LMBR1: variants seen among roughly 807,000 people sequenced by gnomAD.
LMBR1 encodes the protein limb development membrane protein 1, also known as limb region 1 protein homolog.
LMBR1 carries 52 observed loss-of-function variants against 73.9 expected under a neutral mutation model. That is an observed-to-expected ratio of 0.70 (90% CI 0.56 to 0.89). The LOEUF is 0.89. Among genes scored for constraint, LMBR1 ranks in the 40% least tolerant of loss-of-function variants. The probability of loss-of-function intolerance (pLI) is 0.00; values close to 1 mark genes in which losing one functional copy is unlikely to be tolerated. For missense variants in LMBR1, 539 were observed against 579.8 expected, an observed-to-expected ratio of 0.93 and a Z score of 0.72; for synonymous variants, 215 against 209.4, an observed-to-expected ratio of 1.03 and a Z score of -0.23.
At chr7:156,781,229 T>G (rs1331201857) in intron 5 of LMBR1, among the ~76,000 whole-genome samples, 2 of 152,166 alleles carry the variant, frequency 1.3e-5, no homozygotes, top group African/African-American at 2.4e-5. Context: ...CACGTGACAA[T>G]TTAGGTAATA....
intron 15 of LMBR1, among the ~76,000 whole-genome samples, chr7:156,722,243 G>C (rs1413602779): frequency 6.6e-6 from 1 of 152,090 alleles, no homozygotes; most frequent in Non-Finnish European, 1.5e-5. Context: ...GAGGCGACAA[G>C]AAAGACTGAA....
chr7:156,867,439 T>C (rs1427671581), intron 1 of LMBR1, among the ~76,000 whole-genome samples: 1 of 152,168 alleles, frequency 6.6e-6, no homozygotes, highest in Non-Finnish European at 1.5e-5. Context: ...AATGAAAACA[T>C]GTCCACCCAA....
intron 15 of LMBR1, among the ~76,000 whole-genome samples, chr7:156,723,020 G>A (rs181966388): frequency 1.3e-4 from 20 of 152,066 alleles, no homozygotes; most frequent in Admixed American, 1.2e-3. Flanking sequence ...GCATACTTTT[G>A]GCATTTTCAA....
chr7:156,867,570 A>G (rs1798642939), intron 1 of LMBR1, among the ~76,000 whole-genome samples: 1 of 152,264 alleles, frequency 6.6e-6, no homozygotes, highest in African/African-American at 2.4e-5. Flanking sequence ...ATATTATTGG[A>G]CCATAAAAAG....
At chr7:156,822,013 C>T (rs1834872683) in intron 4 of LMBR1, among the ~76,000 whole-genome samples, 1 of 152,214 alleles carries the variant, frequency 6.6e-6, no homozygotes, top group South Asian at 2.1e-4. Flanking sequence ...CTAACACAGA[C>T]AAAACAATTA....
rs763702381 is a variant in LMBR1, at chr7:156,764,622, A to C, written c.424-827T>G. Among the ~76,000 whole-genome samples, 10 of 152,366 alleles carry C rather than the reference A, an allele frequency of 6.6e-5. No individual in the cohort carries two copies. The East Asian group carries it at 1.9e-3, about 29-fold the overall frequency. ...TAACCTACAATTATCTAACACAACC[A>C]ACAAAATTATAAATACATCCATATT... On this transcript the variant is annotated intron_variant, in intron 5 of 16. Transcript: ENST00000353442.
rs1803472350 is a variant in LMBR1 at position 156,893,081 on chromosome 7, C to G, written c.-88G>C. On this transcript the variant is annotated 5_prime_UTR_variant, in exon 1 of 17. Coordinates refer to ENST00000353442, the MANE Select transcript of LMBR1 (RefSeq NM_022458.4). ...CGCCGCAGGGGCTCGGACAGCCGCG[C>G]CGGGGACCGGAGCCGGCACGGGCCC... 1 of 1,281,402 alleles carries G rather than the reference C, an allele frequency of 7.8e-7. No homozygotes were observed. The highest frequency in any genetic ancestry group is 1.6e-5 in the African/African-American group (1 of 63,792). 79.4% of individuals were successfully genotyped at this position (1,281,402 alleles called of 1,614,324 possible). A position where few individuals can be genotyped will look rare whatever the true frequency, so the allele number is the denominator to read the frequency against.
rs954902307 is a variant in LMBR1 at position 156,680,869 on chromosome 7, C to T, written c.*3209G>A. On this transcript the variant is annotated 3_prime_UTR_variant, in exon 17 of 17. Coordinates refer to ENST00000353442, the MANE Select transcript of LMBR1 (RefSeq NM_022458.4). ...AACCCCACATATAAATGCTTATAAA[C>T]CAAATATGAAATCACTTTTTGTACA... The T allele has an allele frequency of 1.7e-5, 4 of 234,572 alleles. No homozygotes were observed. Among genetic ancestry groups the T allele is most frequent in the Non-Finnish European group, 2.5e-5 (3 of 120,946 alleles). 14.5% of individuals were successfully genotyped at this position (234,572 alleles called of 1,614,324 possible).
chr7:156,884,235 G>A (rs1801536260), intron 1 of LMBR1, among the ~76,000 whole-genome samples: 1 of 152,128 alleles, frequency 6.6e-6, no homozygotes, highest in Non-Finnish European at 1.5e-5. Context: ...TGGTGTTGCT[G>A]TAAACTGGCT....
chr7:156,836,898 G>T lies in LMBR1; in HGVS notation c.67-13C>A. 6.6e-7 allele frequency: 1 copy of T among 1,508,632 alleles called. No individual in the cohort carries two copies. The highest frequency in any genetic ancestry group is 1.2e-5 in the South Asian group (1 of 81,364). 93.5% of individuals were successfully genotyped at this position (1,508,632 alleles called of 1,614,324 possible). On this transcript the variant is annotated splice_polypyrimidine_tract_variant and intron_variant, in intron 1 of 16. Coordinates refer to ENST00000353442, the MANE Select transcript of LMBR1 (RefSeq NM_022458.4). ...GAAGGAAACATATCTGAAACAAAAC[G>T]AAGTTAACAGATCATTTACTTTTTT...
intron 15 of LMBR1, among the ~76,000 whole-genome samples, chr7:156,688,602 C>G (rs1460028545): frequency 1.3e-5 from 2 of 151,982 alleles, no homozygotes; most frequent in East Asian, 3.9e-4. Flanking sequence ...TGAGAACATC[C>G]TTACACCTCC....
chr7:156,780,856 C>T (rs1339094464), intron 5 of LMBR1, among the ~76,000 whole-genome samples: 2 of 152,180 alleles, frequency 1.3e-5, no homozygotes, highest in East Asian at 1.9e-4. Flanking sequence ...TTCACCCCCA[C>T]CTCCCCAGTG....
intron 3 of LMBR1, among the ~76,000 whole-genome samples, chr7:156,831,507 G>A (rs913272089): frequency 6.6e-6 from 1 of 152,072 alleles, no homozygotes; most frequent in Non-Finnish European, 1.5e-5. Context: ...GAAGAAAGAT[G>A]AGGGAGACTA....
At chr7:156,793,308 T>C (rs1829546541) in intron 5 of LMBR1, among the ~76,000 whole-genome samples, 1 of 152,204 alleles carries the variant, frequency 6.6e-6, no homozygotes, top group Non-Finnish European at 1.5e-5. Context: ...GCTTAACACA[T>C]TTAGACTTAA....
intron 4 of LMBR1, among the ~76,000 whole-genome samples, chr7:156,810,797 G>A (rs1202490125): frequency 2.0e-5 from 3 of 151,648 alleles, no homozygotes; most frequent in African/African-American, 4.8e-5. Flanking sequence ...CTTTCACATA[G>A]TTTTTTGATT....
chr7:156,706,715 G>C (rs901918300), intron 15 of LMBR1, among the ~76,000 whole-genome samples: 1 of 151,758 alleles, frequency 6.6e-6, no homozygotes, highest in African/African-American at 2.4e-5. Flanking sequence ...TGAAACTTGC[G>C]AGATACAGCA....
At chr7:156,733,581 C>A (rs1050772701) in intron 10 of LMBR1, among the ~76,000 whole-genome samples, 14 of 151,838 alleles carry the variant, frequency 9.2e-5, no homozygotes, top group African/African-American at 3.4e-4. Context: ...AGTGAAGACA[C>A]AGCTATAGAC....
intron 1 of LMBR1, among the ~76,000 whole-genome samples, chr7:156,846,846 C>T (rs561043428): frequency 2.0e-5 from 3 of 151,802 alleles, no homozygotes; most frequent in African/African-American, 7.3e-5. Flanking sequence ...AAAGTTATCA[C>T]CACAAAGAAA....
At chr7:156,891,211 AAT>A (rs1162520790) in intron 1 of LMBR1, among the ~76,000 whole-genome samples, 2,136 of 81,254 alleles carry the variant, frequency 0.026, 99 homozygotes, top group Middle Eastern at 0.056. Flanking sequence ...AAAAAAAAAA[AAT>A]ATATATATAT....
Sources: allele counts gnomAD v4.1 joint callset (sites outside exome capture counted in the v4.1 genomes callset), GRCh38; gene constraint gnomAD v4.1.1; transcripts MANE v1.5; gene names NCBI Gene and HGNC (gene_info 2026-07-23, HGNC 2026-07-21).